Variants in ZNF592 observed in about 807,000 individuals in gnomAD.
ZNF592 encodes spinocerebellar ataxia, autosomal recessive 5.
Under a neutral mutation model 80.3 loss-of-function variants are expected in ZNF592, and 11 were observed. The ratio of observed to expected loss-of-function variants is 0.14; its 90% CI spans 0.09 to 0.23. The LOEUF (loss-of-function observed/expected upper bound fraction) is 0.23. ZNF592 is among the 10% of genes least tolerant of loss of function. The pLI, the probability that ZNF592 is intolerant of heterozygous loss-of-function variation, is 1.00. For synonymous variants in ZNF592, 646 were observed against 640.3 expected, an observed-to-expected ratio of 1.01 and a Z score of -0.13; for missense variants, 1,420 against 1,633.9, an observed-to-expected ratio of 0.87 and a Z score of 2.26.
chr15:84,787,112 A>G (rs1270469808), intron 4 of ZNF592, among the ~76,000 whole-genome samples: 3 of 152,082 alleles, frequency 2.0e-5, no homozygotes, highest in African/African-American at 4.8e-5. Flanking sequence ...TCGGCCTCCC[A>G]AAGTGCTGGG....
intron 4 of ZNF592, among the ~76,000 whole-genome samples, chr15:84,788,276 C>G (rs947671049): frequency 6.6e-6 from 1 of 152,194 alleles, no homozygotes; most frequent in Non-Finnish European, 1.5e-5. Flanking sequence ...TAAAGCTCCC[C>G]ACCTTTTACC....
Position 84,778,301 on chromosome 15 carries a change from G to T in ZNF592, c.-31G>T. On this transcript the variant is annotated 5_prime_UTR_variant, in exon 3 of 11. Transcript: ENST00000560079. ...AAAGAGGAGGTCCCTACCTGCCACG[G>T]ATACCAGTCAGGTACACATGCAGAG... 3.6e-6 allele frequency: 1 copy of T among 277,824 alleles called. No individual in the cohort carries two copies. The highest frequency in any genetic ancestry group is 7.2e-6 in the Non-Finnish European group (1 of 138,752). 17.2% of individuals were successfully genotyped at this position (277,824 alleles called of 1,614,324 possible). A position where few individuals can be genotyped will look rare whatever the true frequency, so the allele number is the denominator to read the frequency against.
At chr15:84,771,621 G>A (rs919513181) in intron 2 of ZNF592, among the ~76,000 whole-genome samples, 2 of 152,154 alleles carry the variant, frequency 1.3e-5, no homozygotes, top group African/African-American at 4.8e-5. Context: ...GCATTAGAGG[G>A]GCTACACTAA....
intron 3 of ZNF592, among the ~76,000 whole-genome samples, chr15:84,781,927 C>G (rs1281356614): frequency 6.6e-6 from 1 of 152,140 alleles, no homozygotes; most frequent in Non-Finnish European, 1.5e-5. Flanking sequence ...GTATATTAGT[C>G]AAAATAGAAT....
At chr15:84,770,214 C>T (rs1899659344) in intron 2 of ZNF592, among the ~76,000 whole-genome samples, 1 of 152,068 alleles carries the variant, frequency 6.6e-6, no homozygotes, top group South Asian at 2.1e-4. Context: ...ATGCGGAAGG[C>T]TGTAGGAGGA....
chr15:84,760,748 A>G (rs910017515), intron 1 of ZNF592, among the ~76,000 whole-genome samples: 6 of 152,192 alleles, frequency 3.9e-5, no homozygotes, highest in Non-Finnish European at 8.8e-5. Context: ...GGATGCTCTC[A>G]GTAGGAACGG....
At chr15:84,794,058 A>T (rs1402958201) in intron 5 of ZNF592, among the ~76,000 whole-genome samples, 4 of 151,396 alleles carry the variant, frequency 2.6e-5, no homozygotes, top group Non-Finnish European at 2.9e-5. Context: ...GTAACTCTGT[A>T]GGGAGGGGAA....
In ZNF592 at chr15:84,783,109, C is replaced by G. The variant is rs1387959178; in HGVS notation, c.434C>G (p.Ser145Cys). 10 of 1,614,146 alleles carry G rather than the reference C, an allele frequency of 6.2e-6. No homozygotes were observed. The highest frequency in any genetic ancestry group is 8.5e-6 in the Non-Finnish European group (10 of 1,180,038). Residue 145 changes from serine to cysteine, a missense_variant, in exon 4 of 11, where the codon TCC becomes TGC. Physicochemically the swap from Ser to Cys is moderately radical, Grantham distance 112 (BLOSUM62 -1). This residue lies in a region of ZNF592 where 373 missense variants were observed against 355.5 expected (regional missense o/e 1.05). Coordinates refer to ENST00000560079, the MANE Select transcript of ZNF592 (RefSeq NM_014630.3). This position sits in a 1 kb window ranked among gnomAD's most constrained non-coding sequence, Gnocchi z 5.0. ...LPTFNQFSPI[S>C]SPEPEDPIKD... ...ACCTTCAACCAGTTCAGTCCAATCT[C>G]CAGCCCAGAACCTGAGGATCCCATC...
chr15:84,776,718 T>C (rs1351406355), intron 2 of ZNF592, among the ~76,000 whole-genome samples: 1 of 152,208 alleles, frequency 6.6e-6, no homozygotes, highest in Non-Finnish European at 1.5e-5. Flanking sequence ...ATCATGCCAC[T>C]GCACTCCAGC....
At position 84,783,411 on chromosome 15, in the gene ZNF592, A is replaced by G; in HGVS notation, c.736A>G (p.Ser246Gly). The change falls in exon 4 of 11, where the codon AGC (serine) becomes GGC (glycine). Residue 246 changes from serine to glycine, a missense_variant. Transcript: ENST00000560079. The surrounding 1 kb of genome is among the most constrained non-coding windows in gnomAD (Gnocchi z 5.0). ...CTTCGGGGAAGCTTTGGAGTTCAAC[A>G]GCCATCCTAGCAACAGTATTGGAGA... ...RFFGEALEFN[S>G]HPSNSIGESK... The G allele has an allele frequency of 1.2e-6, 2 of 1,614,202 alleles. No homozygotes were observed. The highest frequency in any genetic ancestry group is 1.7e-6 in the Non-Finnish European group (2 of 1,180,038).
At chr15:84,787,814 T>A (rs1008715437) in intron 4 of ZNF592, among the ~76,000 whole-genome samples, 1 of 152,234 alleles carries the variant, frequency 6.6e-6, no homozygotes, top group Non-Finnish European at 1.5e-5. Flanking sequence ...TGAGTCAGGA[T>A]CTGAACATGG....
intron 2 of ZNF592, among the ~76,000 whole-genome samples, chr15:84,776,726 A>G (rs916668936): frequency 8.5e-5 from 13 of 152,240 alleles, no homozygotes; most frequent in African/African-American, 3.1e-4. Context: ...ACTGCACTCC[A>G]GCCTGGGTGA....
intron 2 of ZNF592, among the ~76,000 whole-genome samples, chr15:84,767,853 CT>C (rs139211884): frequency 0.2 from 29,862 of 150,790 alleles, 3,624 homozygotes; most frequent in Middle Eastern, 0.37. Context: ...CTTGTATTTT[CT>C]TTTTTTTTAT....
chr15:84,794,090 A>G (rs1164477380), intron 5 of ZNF592, among the ~76,000 whole-genome samples: 1 of 151,774 alleles, frequency 6.6e-6, no homozygotes, highest in Non-Finnish European at 1.5e-5. Flanking sequence ...GGGGCCTGTC[A>G]GCGGGTGGGG....
rs879209923 is a variant in ZNF592 at position 84,798,471 on chromosome 15, C to G, written c.2733C>G (p.Val911=). 1 of 1,613,912 alleles carries G rather than the reference C, an allele frequency of 6.2e-7. No homozygotes were observed. Among genetic ancestry groups the G allele is most frequent in the Non-Finnish European group, 8.5e-7 (1 of 1,179,848 alleles). The change falls in exon 7 of 11, where the codon GTC becomes GTG. Residue 911 remains valine, a synonymous_variant. Transcript: ENST00000560079. This position sits in a 1 kb window ranked among gnomAD's most constrained non-coding sequence, Gnocchi z 4.5. ...FVQKPELMQH[V]KSTHGVPRNV... Reference sequence around the variant, plus strand: ...AGAAGCCGGAGTTGATGCAACACGTCAAGGTGGGATGCCTTGCGGGAGGAG... The same window carrying G: ...AGAAGCCGGAGTTGATGCAACACGTGAAGGTGGGATGCCTTGCGGGAGGAG...
At chr15:84,795,497 G>T (rs928214932) in intron 5 of ZNF592, among the ~76,000 whole-genome samples, 8 of 152,208 alleles carry the variant, frequency 5.3e-5, no homozygotes, top group Non-Finnish European at 5.9e-5. Context: ...TACATAGAAG[G>T]AGTTTTCAGT....
rs1199633180 is a variant in ZNF592, at chr15:84,782,983, A to T, written c.308A>T (p.Asp103Val). The change falls in exon 4 of 11, where the codon GAT (aspartate) becomes GTT (valine). Residue 103 changes from aspartate (D) to valine (V), a missense_variant. Asp to Val is a radical substitution (Grantham distance 152). This residue lies in a region of ZNF592 where 373 missense variants were observed against 355.5 expected (regional missense o/e 1.05). Coordinates refer to ENST00000560079, the MANE Select transcript of ZNF592 (RefSeq NM_014630.3). ...NGFRGSDLPP[D>V]PHNCGKFDST... ...TTCCGGGGCTCAGATCTGCCTCCAGATCCCCACAACTGTGGGAAATTTGAT... is the reference window on the plus strand; with the variant it reads ...TTCCGGGGCTCAGATCTGCCTCCAGTTCCCCACAACTGTGGGAAATTTGAT... 6 of 1,613,984 alleles carry T rather than the reference A, an allele frequency of 3.7e-6. No homozygotes were observed. The East Asian group carries it at 1.1e-4, about 30-fold the overall frequency.
At chr15:84,772,211 C>T (rs1596115294) in intron 2 of ZNF592, among the ~76,000 whole-genome samples, 1 of 152,238 alleles carries the variant, frequency 6.6e-6, no homozygotes, top group African/African-American at 2.4e-5. Context: ...ACTAAGTTCC[C>T]TTCACTACCG....
In ZNF592 at chr15:84,799,501, C is replaced by T. The variant is rs1457006008; in HGVS notation, c.3137+291C>T. Among the ~76,000 whole-genome samples the T allele has an allele frequency of 1.3e-5, 2 of 152,178 alleles. No homozygotes were observed. The highest frequency in any genetic ancestry group is 2.4e-5 in the African/African-American group (1 of 41,444). On this transcript the variant is annotated intron_variant, in intron 9 of 10. Coordinates refer to ENST00000560079, the MANE Select transcript of ZNF592 (RefSeq NM_014630.3). This position sits in a 1 kb window ranked among gnomAD's most constrained non-coding sequence, Gnocchi z 4.2. ...GGAGGGGTGGTGATGTGAGCATGCA[C>T]CCCTGGGGCCGAGAGGCTTCTGCAC...
Sources: allele counts gnomAD v4.1 joint callset (sites outside exome capture counted in the v4.1 genomes callset), GRCh38; gene constraint gnomAD v4.1.1; regional missense constraint gnomAD v4.1.1; non-coding constraint Gnocchi (gnomAD v3.1); transcripts MANE v1.5; gene names NCBI Gene and HGNC (gene_info 2026-07-23, HGNC 2026-07-21).